NAV2: variants seen among roughly 807,000 people sequenced by gnomAD.
NAV2 encodes the protein helicase, APC down-regulated 1.
A neutral mutation model predicts 223.2 loss-of-function variants in NAV2; 54 were observed. The ratio of observed to expected loss-of-function variants is 0.24; its 90% CI spans 0.19 to 0.30. The LOEUF (loss-of-function observed/expected upper bound fraction) is 0.30. Among genes scored for constraint, NAV2 ranks in the 10% least tolerant of loss-of-function variants. NAV2 has a pLI of 1.00. For missense variants in NAV2, 2,806 were observed against 3,147.5 expected (o/e 0.89, Z 2.60); for synonymous variants, 1,279 against 1,239.3 (o/e 1.03, Z -0.67).
Position 20,049,207 on chromosome 11 carries a change from G to A in NAV2, c.4370+12G>A. On this transcript the variant is annotated intron_variant, in intron 15 of 37. Transcript: ENST00000349880. ...ACACTGTCAGAAAGGTTGGTGCTGTGCCTCTGGCTGCCTTTCTCAGAAAGA... is the reference window on the plus strand; with the variant it reads ...ACACTGTCAGAAAGGTTGGTGCTGTACCTCTGGCTGCCTTTCTCAGAAAGA... The A allele has an allele frequency of 6.6e-7, 1 of 1,521,910 alleles. No homozygotes were observed. 94.3% of individuals were successfully genotyped at this position (1,521,910 alleles called of 1,614,324 possible). A position where few individuals can be genotyped will look rare whatever the true frequency, so the allele number is the denominator to read the frequency against.
At chr11:19,900,570 C>A (rs1190041323) in intron 6 of NAV2, among the ~76,000 whole-genome samples, 1 of 152,078 alleles carries the variant, frequency 6.6e-6, no homozygotes, top group Non-Finnish European at 1.5e-5. Context: ...TTGAATAGGG[C>A]AGGTGCACAA....
chr11:20,049,692 G>C (rs921813682), intron 15 of NAV2, 144 bp from the exon 16 acceptor site: 10 of 754,562 alleles, frequency 1.3e-5, no homozygotes, highest in Non-Finnish European at 2.3e-5. Context: ...TTTCTCTGCA[G>C]CAGGGATAAA....
chr11:19,471,309 C>G (rs935892307), intron 1 of NAV2, among the ~76,000 whole-genome samples: 2 of 152,116 alleles, frequency 1.3e-5, no homozygotes, highest in African/African-American at 4.8e-5. Flanking sequence ...AACAGTAATA[C>G]TCACATCAGC....
At chr11:19,466,517 C>G (rs1238572831) in intron 1 of NAV2, among the ~76,000 whole-genome samples, 1 of 152,194 alleles carries the variant, frequency 6.6e-6, no homozygotes, top group Admixed American at 6.5e-5. Flanking sequence ...GAAATTGTCC[C>G]AGACGATGAA....
rs55734614 is a variant in NAV2 at position 19,634,949 on chromosome 11, T to G, written c.76-197535T>G. ...CCTATTGGTTTCAAGAACATGCCCATGTATTTGTTAGAGTACGTTAACTGC... is the reference window on the plus strand; with the variant it reads ...CCTATTGGTTTCAAGAACATGCCCAGGTATTTGTTAGAGTACGTTAACTGC... On this transcript the variant is annotated intron_variant, in intron 1 of 37. Coordinates refer to the NAV2 transcript ENST00000360655. Among the ~76,000 whole-genome samples, 944 of 152,328 alleles carry G rather than the reference T, an allele frequency of 6.2e-3. 7 individuals are homozygous for G. Among genetic ancestry groups the G allele is most frequent in the African/African-American group, 0.019 (788 of 41,570 alleles).
chr11:19,931,083 A>C (rs765907077), intron 6 of NAV2, among the ~76,000 whole-genome samples: 64 of 152,294 alleles, frequency 4.2e-4, no homozygotes, highest in Non-Finnish European at 7.4e-4. Flanking sequence ...CTTTAGCCCT[A>C]CCTAAGTCTC....
intron 3 of NAV2, among the ~76,000 whole-genome samples, chr11:19,863,698 G>A (rs186685706): frequency 6.6e-5 from 10 of 152,136 alleles, no homozygotes; most frequent in Non-Finnish European, 1.3e-4. Context: ...CTGTGTACAC[G>A]TTCCCAACAC....
intron 1 of NAV2, among the ~76,000 whole-genome samples, chr11:19,780,491 G>A (rs999135199): frequency 6.6e-6 from 1 of 152,260 alleles, no homozygotes; most frequent in Non-Finnish European, 1.5e-5. Flanking sequence ...CAAAAGGAAA[G>A]GCACTGAGAG....
intron 1 of NAV2, among the ~76,000 whole-genome samples, chr11:19,478,168 A>G (rs1483050445): frequency 6.6e-6 from 1 of 152,178 alleles, no homozygotes; most frequent in Non-Finnish European, 1.5e-5. Flanking sequence ...GCCAGGGGAG[A>G]GATAGTAGGT....
At chr11:20,050,583 A>C (rs1007463924) in intron 16 of NAV2, among the ~76,000 whole-genome samples, 4 of 151,890 alleles carry the variant, frequency 2.6e-5, no homozygotes, top group African/African-American at 9.7e-5. Flanking sequence ...AAAAAAAAAA[A>C]AAAAAAAACC....
In NAV2 at chr11:19,887,014, G is replaced by A. The variant is rs2041058008; in HGVS notation, c.771-5420G>A. Among the ~76,000 whole-genome samples, 4 of 152,104 alleles carry A rather than the reference G, an allele frequency of 2.6e-5. No individual in the cohort carries two copies. The South Asian group carries it at 8.3e-4, about 32-fold the overall frequency. Reference sequence around the variant, plus strand: ...CTTTCCCCACCCCCAGCCTTGAGCAGGATCCTGTGAAGAATTTTAGCTGAT... The same window carrying A: ...CTTTCCCCACCCCCAGCCTTGAGCAAGATCCTGTGAAGAATTTTAGCTGAT... On this transcript the variant is annotated intron_variant, in intron 5 of 37. Transcript: ENST00000349880.
intron 11 of NAV2, among the ~76,000 whole-genome samples, chr11:20,029,216 C>T (rs2055436639): frequency 6.6e-6 from 1 of 152,138 alleles, no homozygotes. Flanking sequence ...TGGCTTAGTC[C>T]AGCTACTCCA....
At chr11:19,977,567 A>G (rs1266888879) in intron 10 of NAV2, among the ~76,000 whole-genome samples, 1 of 152,222 alleles carries the variant, frequency 6.6e-6, no homozygotes, top group African/African-American at 2.4e-5. Context: ...TAAATATGCC[A>G]CGTTTGCCTG....
intron 1 of NAV2, among the ~76,000 whole-genome samples, chr11:19,444,928 G>T (rs2702652): frequency 0.74 from 113,258 of 152,046 alleles, 42,239 homozygotes; most frequent in African/African-American, 0.78. Flanking sequence ...GGGACTTGGA[G>T]AAAGAAATCT....
chr11:19,741,888 T>C (rs919073687), intron 1 of NAV2, among the ~76,000 whole-genome samples: 1 of 152,010 alleles, frequency 6.6e-6, no homozygotes, highest in Admixed American at 6.6e-5. Flanking sequence ...GATTGCTGGG[T>C]CATACGGCAT....
In NAV2 at chr11:20,107,634, G is replaced by A. The variant is rs749493484; in HGVS notation, c.6842-30G>A. 3.2e-6 allele frequency: 5 copies of A among 1,551,208 alleles called. No homozygotes were observed. The Admixed American group carries it at 5.0e-5, about 16-fold the overall frequency. On this transcript the variant is annotated intron_variant, in intron 35 of 37. Coordinates refer to ENST00000349880, the MANE Select transcript of NAV2 (RefSeq NM_145117.5). ...TGCCCCATCACCCATGCCCATTTGA[G>A]TGCTAATGTATTTTCACTGTGGTCT...
intron 5 of NAV2, among the ~76,000 whole-genome samples, chr11:19,887,101 G>C (rs1227535601): frequency 6.6e-6 from 1 of 152,034 alleles, no homozygotes; most frequent in Non-Finnish European, 1.5e-5. Context: ...TACCCCTTCT[G>C]GCAGAGTAGG....
At chr11:20,036,555 C>T (rs1244311951) in intron 12 of NAV2, among the ~76,000 whole-genome samples, 1 of 152,156 alleles carries the variant, frequency 6.6e-6, no homozygotes, top group Admixed American at 6.5e-5. Context: ...CCGGGATGTC[C>T]TGACCTGTGG....
At chr11:19,479,306 G>A (rs866846797) in intron 1 of NAV2, among the ~76,000 whole-genome samples, 14 of 152,132 alleles carry the variant, frequency 9.2e-5, no homozygotes, top group Admixed American at 3.3e-4. Flanking sequence ...ACTCGTAACA[G>A]AATTCAAGCA....
Sources: allele counts gnomAD v4.1 joint callset (sites outside exome capture counted in the v4.1 genomes callset), GRCh38; gene constraint gnomAD v4.1.1; transcripts MANE v1.5; gene names NCBI Gene and HGNC (gene_info 2026-07-23, HGNC 2026-07-21).